The following BAHCC1 variants were observed in gnomAD, a reference collection of about 807,000 sequenced individuals.
The protein encoded by BAHCC1 is BAH domain and coiled-coil containing 1, also known as BAH and coiled-coil domain-containing protein 1.
Under a neutral mutation model 88.2 loss-of-function variants are expected in BAHCC1, and 43 were observed. That is an observed-to-expected ratio of 0.49 (90% confidence interval 0.38 to 0.63). The LOEUF is 0.63. BAHCC1 is among the 20% of genes least tolerant of loss of function. BAHCC1 has a pLI of 0.00. For missense variants in BAHCC1, 3,023 were observed against 1,654.8 expected (o/e 1.83, Z -14.34); for synonymous variants, 1,510 against 745.5 (o/e 2.03, Z -16.71).
rs984431781 is a variant in BAHCC1, at chr17:81,444,496, C to G, written c.2440C>G (p.His814Asp). 1.4e-6 allele frequency: 1 copy of G among 705,582 alleles called. No homozygotes were observed. The allele number at this position is 705,582 out of a possible 1,614,324, so 43.7% of individuals were successfully genotyped here. The change falls in exon 7 of 28, where the codon CAC (histidine) becomes GAC (aspartate). Residue 814 changes from histidine to aspartate, a missense_variant. Coordinates refer to ENST00000675386, the MANE Select transcript of BAHCC1 (RefSeq NM_001377448.1). ...CCAGCTGGGCGGGGACCCAGCCCCC[C>G]ACACCCACCCCCATCCCCCCTGGCT... ...SGQLGGDPAPHTHPHPPWLPR... is the reference protein window; with the variant it reads ...SGQLGGDPAPDTHPHPPWLPR...
At chr17:81,412,979 T>G in intron 2 of BAHCC1, 2 of 284,270 alleles carry the variant, frequency 7.0e-6, no homozygotes, top group Non-Finnish European at 1.5e-5. Flanking sequence ...TCGGTGCGGG[T>G]GCGGCCTCAC....
chr17:81,444,053 C>T, intron 6 of BAHCC1, 136 bp downstream of exon 6: 2 of 632,602 alleles, frequency 3.2e-6, no homozygotes, highest in Non-Finnish European at 5.7e-6. Flanking sequence ...GTGGGGTTCT[C>T]CCCACCCCTA....
intron 3 of BAHCC1, among the ~76,000 whole-genome samples, chr17:81,431,808 C>T (rs1205990925): frequency 6.6e-6 from 1 of 152,186 alleles, no homozygotes; most frequent in East Asian, 1.9e-4. Flanking sequence ...TCTGACCTGC[C>T]GTGCTTTGGA....
chr17:81,399,779 T>C lies in BAHCC1; in HGVS notation c.40T>C (p.Ser14Pro). ...RDFAPPPHLL[S>P]ERGSLGHRSA... ...CTTTGCGCCGCCGCCGCATCTGCTG[T>C]CGGAGCGCGGGAGCCTGGGCCACCG... The change falls in exon 2 of 28, where the codon TCG becomes CCG. Residue 14 changes from serine to proline, a missense_variant. Coordinates refer to ENST00000675386, the MANE Select transcript of BAHCC1 (RefSeq NM_001377448.1). The surrounding 1 kb of genome is among the most constrained non-coding windows in gnomAD (Gnocchi z 4.5). The C allele has an allele frequency of 1.6e-6, 2 of 1,235,554 alleles. No individual in the cohort carries two copies. Among genetic ancestry groups the C allele is most frequent in the Non-Finnish European group, 2.0e-6 (2 of 989,790 alleles). The allele number at this position is 1,235,554 out of a possible 1,614,324, so 76.5% of individuals were successfully genotyped here.
Position 81,442,578 on chromosome 17 carries a change from C to G in BAHCC1, c.1229C>G (p.Ala410Gly). 1 of 762,186 alleles carries G rather than the reference C, an allele frequency of 1.3e-6. No individual in the cohort carries two copies. The highest frequency in any genetic ancestry group is 2.4e-6 in the Non-Finnish European group (1 of 409,372). 47.2% of individuals were successfully genotyped at this position (762,186 alleles called of 1,614,324 possible). ...GCCGACAAGGGCCGCCCCTTCCAGG[C>G]CGCCGAGGCCTGTGCCGTGGCAGGG... ...HLADKGRPFQ[A>G]AEACAVAGEG... Residue 410 changes from alanine (A) to glycine (G), a missense_variant, in exon 5 of 28, where the codon GCC becomes GGC. Ala to Gly is a moderately conservative substitution (Grantham distance 60, BLOSUM62 0). Coordinates refer to ENST00000675386, the MANE Select transcript of BAHCC1 (RefSeq NM_001377448.1).
chr17:81,402,901 C>G (rs782569823), intron 2 of BAHCC1: 1 of 152,226 alleles, frequency 6.6e-6, no homozygotes, highest in Non-Finnish European at 1.5e-5. Flanking sequence ...GCTTTAGACT[C>G]GGGCCGCAGG....
chr17:81,429,323 C>T (rs1393320826), intron 3 of BAHCC1, among the ~76,000 whole-genome samples: 4 of 152,226 alleles, frequency 2.6e-5, no homozygotes, highest in African/African-American at 7.2e-5. Context: ...GGCCCGTGCT[C>T]CAGCTTGCTG....
In BAHCC1 at chr17:81,465,311, C is replaced by T. The variant is rs1011422149; in HGVS notation, c.*1494C>T. On this transcript the variant is annotated 3_prime_UTR_variant, in exon 28 of 28. Coordinates refer to ENST00000675386, the MANE Select transcript of BAHCC1 (RefSeq NM_001377448.1). ...TGGCCTGATGGGCTAGTGCTTGGGGCATAGAATGAGGGTCCCCCTGACCAC... is the reference window on the plus strand; with the variant it reads ...TGGCCTGATGGGCTAGTGCTTGGGGTATAGAATGAGGGTCCCCCTGACCAC... The T allele has an allele frequency of 1.4e-4, 21 of 152,338 alleles. No individual in the cohort carries two copies. Among genetic ancestry groups the T allele is most frequent in the African/African-American group, 4.6e-4 (19 of 41,554 alleles). The allele number at this position is 152,338 out of a possible 1,614,324, so 9.4% of individuals were successfully genotyped here.
chr17:81,462,539 GGA>G, intron 26 of BAHCC1, 199 bp from the exon 27 acceptor site: 1 of 575,760 alleles, frequency 1.7e-6, no homozygotes, highest in Non-Finnish European at 3.1e-6. Flanking sequence ...CGGGCTCCGT[GGA>G]GGCGTGGCCC....
chr17:81,457,089 G>A (rs1032621112), intron 16 of BAHCC1, among the ~76,000 whole-genome samples: 1 of 152,142 alleles, frequency 6.6e-6, no homozygotes, highest in Non-Finnish European at 1.5e-5. Flanking sequence ...GAGGGGCAGA[G>A]GGCCATCTGG....
At chr17:81,410,894 G>A (rs1449489604) in intron 2 of BAHCC1, among the ~76,000 whole-genome samples, 4 of 152,072 alleles carry the variant, frequency 2.6e-5, no homozygotes, top group Non-Finnish European at 5.9e-5. Flanking sequence ...ATGCTTCCCC[G>A]GAGTCCAGGG....
intron 14 of BAHCC1, among the ~76,000 whole-genome samples, chr17:81,453,780 C>T (rs890131178): frequency 4.6e-5 from 7 of 152,356 alleles, no homozygotes; most frequent in African/African-American, 1.4e-4. Flanking sequence ...CCCCTCTTCC[C>T]GAGGGTCAGG....
At chr17:81,445,859 T>C (rs28507130) in intron 10 of BAHCC1, among the ~76,000 whole-genome samples, 178 bp downstream of exon 10, 1 of 151,848 alleles carries the variant, frequency 6.6e-6, no homozygotes, top group Admixed American at 6.6e-5. Context: ...CCCAATGACC[T>C]TGGGAGAAGC....
intron 2 of BAHCC1, among the ~76,000 whole-genome samples, chr17:81,426,087 T>C (rs2064192779): frequency 3.5e-5 from 5 of 140,860 alleles, no homozygotes; most frequent in Admixed American, 7.1e-5. Context: ...GGTGATGTGG[T>C]TGGTGGTGAT....
chr17:81,458,339 C>T lies in BAHCC1; in HGVS notation c.5216C>T (p.Thr1739Ile), dbSNP rs1446244786. Residue 1739 changes from threonine to isoleucine, a missense_variant, in exon 18 of 28, where the codon ACC becomes ATC. By Grantham distance (89) the Thr-to-Ile change is moderately conservative. Transcript: ENST00000675386. ...AGCCTGCGGGCAGAGCCGGGGGCCA[C>T]CCCCAGCAGGGACGCCCTCTTCAAC... ...KGSLRAEPGA[T>I]PSRDALFNPS... is the part of the protein sequence containing the mutation. 2 of 737,030 alleles carry T rather than the reference C, an allele frequency of 2.7e-6. No homozygotes were observed. The highest frequency in any genetic ancestry group is 1.7e-5 in the African/African-American group (1 of 58,226). The allele number at this position is 737,030 out of a possible 1,614,324, so 45.7% of individuals were successfully genotyped here. A position where few individuals can be genotyped will look rare whatever the true frequency, so the allele number is the denominator to read the frequency against.
At position 81,399,661 on chromosome 17, in the gene BAHCC1, C is replaced by A; in HGVS notation, c.-79C>A. On this transcript the variant is annotated 5_prime_UTR_variant, in exon 2 of 28. Transcript: ENST00000675386. This position sits in a 1 kb window ranked among gnomAD's most constrained non-coding sequence, Gnocchi z 4.5. ...ACCCCGGACGCCGCCGCCTCTGCGC[C>A]GCCCGCGCGCCGAGCCGCCCCCGGG... 1 of 913,194 alleles carries A rather than the reference C, an allele frequency of 1.1e-6. No homozygotes were observed. The highest frequency in any genetic ancestry group is 1.3e-6 in the Non-Finnish European group (1 of 763,140). 56.6% of individuals were successfully genotyped at this position (913,194 alleles called of 1,614,324 possible). A position where few individuals can be genotyped will look rare whatever the true frequency, so the allele number is the denominator to read the frequency against.
intron 2 of BAHCC1, among the ~76,000 whole-genome samples, chr17:81,425,898 G>A (rs2064186954): frequency 6.8e-6 from 1 of 146,634 alleles, no homozygotes; most frequent in Non-Finnish European, 1.5e-5. Context: ...TGTGGTTGGT[G>A]GGTGATGTCA....
At chr17:81,455,222 G>T (rs782771029) in intron 14 of BAHCC1, 45 bp from the exon 15 acceptor site, 2 of 702,766 alleles carry the variant, frequency 2.8e-6, no homozygotes, top group South Asian at 1.5e-5. Context: ...AGGCTGGGGC[G>T]GCCGGGCCTG....
intron 3 of BAHCC1, among the ~76,000 whole-genome samples, chr17:81,432,242 C>T (rs1308212485): frequency 1.3e-5 from 2 of 152,082 alleles, no homozygotes; most frequent in Non-Finnish European, 1.5e-5. Flanking sequence ...TGGATCTGAC[C>T]GATGGTGCAG....
Sources: allele counts gnomAD v4.1 joint callset (sites outside exome capture counted in the v4.1 genomes callset), GRCh38; gene constraint gnomAD v4.1.1; non-coding constraint Gnocchi (gnomAD v3.1); transcripts MANE v1.5; gene names NCBI Gene and HGNC (gene_info 2026-07-23, HGNC 2026-07-21).